The following PPM1G variants were observed in gnomAD, a reference collection of about 807,000 sequenced individuals.
PPM1G encodes the protein protein phosphatase 1G.
Under a neutral mutation model 59.4 loss-of-function variants are expected in PPM1G, and 12 were observed. The ratio of observed to expected loss-of-function variants is 0.20; its 90% CI spans 0.13 to 0.33. The LOEUF (loss-of-function observed/expected upper bound fraction) is 0.33. Ranked by LOEUF, PPM1G falls within the 10% of genes least tolerant of loss-of-function variation. The probability of loss-of-function intolerance (pLI) is 1.00; values close to 1 mark genes in which losing one functional copy is unlikely to be tolerated. For synonymous variants in PPM1G, 245 were observed against 251.9 expected, an observed-to-expected ratio of 0.97 and a Z score of 0.26; for missense variants, 392 against 681.3, an observed-to-expected ratio of 0.58 and a Z score of 4.73.
Position 27,393,388 on chromosome 2 carries a change from G to C in PPM1G, c.121-6230C>G, listed in dbSNP as rs1012194761. Reference sequence around the variant, plus strand: ...GTCATGCCGGCGACTAAGGAGAGGCGGCGGCAGCGGCAGTGGTGGCTACGC... The same window carrying C: ...GTCATGCCGGCGACTAAGGAGAGGCCGCGGCAGCGGCAGTGGTGGCTACGC... On this transcript the variant is annotated intron_variant, in intron 1 of 9. Transcript: ENST00000344034. 5 of 1,467,490 alleles carry C rather than the reference G, an allele frequency of 3.4e-6. No homozygotes were observed. The African/African-American group carries it at 4.2e-5, about 12-fold the overall frequency. 90.9% of individuals were successfully genotyped at this position (1,467,490 alleles called of 1,614,324 possible). A position where few individuals can be genotyped will look rare whatever the true frequency, so the allele number is the denominator to read the frequency against.
Position 27,385,622 on chromosome 2 carries a change from G to T in PPM1G, c.409+125C>A. 1 of 1,236,052 alleles carries T rather than the reference G, an allele frequency of 8.1e-7. No homozygotes were observed. Among genetic ancestry groups the T allele is most frequent in the Non-Finnish European group, 1.1e-6 (1 of 900,190 alleles). The allele number at this position is 1,236,052 out of a possible 1,614,324, so 76.6% of individuals were successfully genotyped here. Reference sequence around the variant, plus strand: ...ACATACAATGCAGGAGAACATCATAGGTTTCTTTAACATAAGGACTCCCCA... The same window carrying T: ...ACATACAATGCAGGAGAACATCATATGTTTCTTTAACATAAGGACTCCCCA... On this transcript the variant is annotated intron_variant, in intron 4 of 9. Transcript: ENST00000344034. The surrounding 1 kb of genome is among the most constrained non-coding windows in gnomAD (Gnocchi z 4.1).
At chr2:27,389,621 C>T (rs1683849393) in intron 1 of PPM1G, among the ~76,000 whole-genome samples, 1 of 152,138 alleles carries the variant, frequency 6.6e-6, no homozygotes, top group Admixed American at 6.6e-5. Flanking sequence ...TATAACCCCA[C>T]CAACTGATTT....
At chr2:27,405,127 G>A (rs1285632790) in intron 1 of PPM1G, among the ~76,000 whole-genome samples, 2 of 143,504 alleles carry the variant, frequency 1.4e-5, no homozygotes, top group African/African-American at 5.2e-5. Flanking sequence ...AGGCTGGAGT[G>A]CAGTGGTGCG....
At chr2:27,393,396 C>T in intron 1 of PPM1G, 2 of 1,413,458 alleles carry the variant, frequency 1.4e-6, no homozygotes, top group Non-Finnish European at 2.0e-6. Context: ...GCGGCGGCAG[C>T]GGCAGTGGTG....
rs538145506 is a variant in PPM1G at position 27,391,027 on chromosome 2, G to A, written c.121-3869C>T. 5.3e-5 allele frequency among the ~76,000 whole-genome samples: 8 copies of A among 152,294 alleles called. No individual in the cohort carries two copies. The South Asian group carries it at 1.5e-3, about 28-fold the overall frequency. On this transcript the variant is annotated intron_variant, in intron 1 of 9. Coordinates refer to ENST00000344034, the MANE Select transcript of PPM1G (RefSeq NM_177983.3). ...GACATTATTTCATTATTTTTAATGGGTGCATAGTATTCCATGATGGCTATG... is the reference window on the plus strand; with the variant it reads ...GACATTATTTCATTATTTTTAATGGATGCATAGTATTCCATGATGGCTATG...
Position 27,385,537 on chromosome 2 carries a change from C to T in PPM1G, c.409+210G>A. 1.7e-6 allele frequency: 1 copy of T among 603,528 alleles called. No homozygotes were observed. The highest frequency in any genetic ancestry group is 2.8e-6 in the Non-Finnish European group (1 of 361,318). 37.4% of individuals were successfully genotyped at this position (603,528 alleles called of 1,614,324 possible). On this transcript the variant is annotated intron_variant, in intron 4 of 9. Coordinates refer to ENST00000344034, the MANE Select transcript of PPM1G (RefSeq NM_177983.3). This position sits in a 1 kb window ranked among gnomAD's most constrained non-coding sequence, Gnocchi z 4.1. ...ACAATGACAAAAGATAATGTATATA[C>T]AATGCTTACAGCTCAGATGCCACTC...
chr2:27,392,724 A>C (rs933798954), intron 1 of PPM1G: 2 of 988,830 alleles, frequency 2.0e-6, no homozygotes, highest in Admixed American at 3.4e-5. Context: ...CCCAACATAC[A>C]TGCGCTGCCT....
chr2:27,390,917 G>A (rs970314410), intron 1 of PPM1G, among the ~76,000 whole-genome samples: 5 of 151,092 alleles, frequency 3.3e-5, no homozygotes, highest in African/African-American at 9.7e-5. Flanking sequence ...CTCTCACTGC[G>A]TGAGAACACG....
Position 27,381,513 on chromosome 2 carries a change from C to A in PPM1G, c.*86G>T. The A allele has an allele frequency of 2.2e-5, 33 of 1,528,696 alleles. No homozygotes were observed. The highest frequency in any genetic ancestry group is 2.9e-5 in the Non-Finnish European group (32 of 1,107,014). 94.7% of individuals were successfully genotyped at this position (1,528,696 alleles called of 1,614,324 possible). ...CCCCCTGCACACCTCATACCCACTG[C>A]TAAGGCTAAAGGAAAAAGACAAAAC... On this transcript the variant is annotated 3_prime_UTR_variant, in exon 10 of 10. Coordinates refer to ENST00000344034, the MANE Select transcript of PPM1G (RefSeq NM_177983.3).
chr2:27,401,834 G>GA (rs1477661177), intron 1 of PPM1G, among the ~76,000 whole-genome samples: 5 of 149,920 alleles, frequency 3.3e-5, no homozygotes, highest in Non-Finnish European at 5.9e-5. Flanking sequence ...CTCGAAAAAA[G>GA]AAAAAAAGAA....
chr2:27,399,262 A>G (rs1268159300), intron 1 of PPM1G, among the ~76,000 whole-genome samples: 2 of 152,246 alleles, frequency 1.3e-5, no homozygotes, highest in African/African-American at 4.8e-5. Context: ...TCCAAAACAC[A>G]TAAAGAACTC....
At chr2:27,400,110 C>T (rs767322326) in intron 1 of PPM1G, among the ~76,000 whole-genome samples, 22 of 152,056 alleles carry the variant, frequency 1.4e-4, no homozygotes, top group Admixed American at 5.2e-4. Context: ...AAAAATATTA[C>T]GCTTGGCCGG....
At chr2:27,391,073 T>C (rs993539200) in intron 1 of PPM1G, among the ~76,000 whole-genome samples, 1 of 152,236 alleles carries the variant, frequency 6.6e-6, no homozygotes. Context: ...TCTTTTCTTT[T>C]CTAGTCCGCC....
At chr2:27,393,050 G>T in intron 1 of PPM1G, 1 of 1,324,544 alleles carries the variant, frequency 7.5e-7, no homozygotes. Flanking sequence ...TTTTCCAAAT[G>T]TAATCCATCG....
intron 1 of PPM1G, among the ~76,000 whole-genome samples, chr2:27,405,221 G>A (rs934353397): frequency 4.0e-5 from 6 of 151,504 alleles, no homozygotes; most frequent in African/African-American, 1.5e-4. Flanking sequence ...CTACAGGCGT[G>A]CGCCACCATG....
chr2:27,384,059 C>T lies in PPM1G; in HGVS notation c.859G>A (p.Glu287Lys). ...CSEEEDGYSS[E>K]EAENEEDEDD... is the part of the protein sequence containing the mutation. ...TCATCTTCCTCATTCTCTGCCTCCT[C>T]ACTGCTGTAGCCATCCTCTTCCTCG... Residue 287 changes from glutamate (E) to lysine (K), a missense_variant, in exon 6 of 10, where the codon GAG becomes AAG. This residue lies in a region of PPM1G where 188 missense variants were observed against 248.8 expected (regional missense o/e 0.76). Transcript: ENST00000344034. This position sits in a 1 kb window ranked among gnomAD's most constrained non-coding sequence, Gnocchi z 4.8. The T allele has an allele frequency of 3.7e-6, 6 of 1,613,654 alleles. No homozygotes were observed. The highest frequency in any genetic ancestry group is 5.1e-6 in the Non-Finnish European group (6 of 1,179,798).
At position 27,381,346 on chromosome 2, in the gene PPM1G, TCCCTC is replaced by T. The variant is rs1683619570; in HGVS notation, c.*248_*252del. On this transcript the variant is annotated 3_prime_UTR_variant, in exon 10 of 10. Coordinates refer to ENST00000344034, the MANE Select transcript of PPM1G (RefSeq NM_177983.3). Reference sequence around the variant, plus strand: ...AGTAAAAACCAGAACCGCCAGTCCTTCCCTCCAACACAACAGAGCACAGGCACAGA... The same window carrying T: ...AGTAAAAACCAGAACCGCCAGTCCTTCAACACAACAGAGCACAGGCACAGA... 1 of 551,236 alleles carries T rather than the reference TCCCTC, an allele frequency of 1.8e-6. No homozygotes were observed. The highest frequency in any genetic ancestry group is 3.3e-6 in the Non-Finnish European group (1 of 306,564). The allele number at this position is 551,236 out of a possible 1,614,324, so 34.1% of individuals were successfully genotyped here.
At chr2:27,401,097 T>C (rs1684168527) in intron 1 of PPM1G, among the ~76,000 whole-genome samples, 1 of 152,206 alleles carries the variant, frequency 6.6e-6, no homozygotes, top group Non-Finnish European at 1.5e-5. Flanking sequence ...CTGATTCTAT[T>C]AAGCTCTGTA....
At chr2:27,407,940 G>C (rs1352823780) in intron 1 of PPM1G, among the ~76,000 whole-genome samples, 5 of 152,142 alleles carry the variant, frequency 3.3e-5, no homozygotes, top group Admixed American at 3.3e-4. Flanking sequence ...CCAACTACTA[G>C]GGAGGCTGAG....
Sources: allele counts gnomAD v4.1 joint callset (sites outside exome capture counted in the v4.1 genomes callset), GRCh38; gene constraint gnomAD v4.1.1; regional missense constraint gnomAD v4.1.1; non-coding constraint Gnocchi (gnomAD v3.1); transcripts MANE v1.5; gene names NCBI Gene and HGNC (gene_info 2026-07-23, HGNC 2026-07-21).